Variants in GPD2 observed in about 807,000 individuals in gnomAD.
GPD2 encodes glycerol-3-phosphate dehydrogenase 2.
In GPD2, 54 loss-of-function variants were observed where a neutral mutation model predicts 82.4. The observed-to-expected ratio is 0.66, with a 90% CI of 0.53 to 0.82. The LOEUF is 0.82. Ranked by LOEUF, GPD2 falls within the 40% of genes least tolerant of loss-of-function variation. The pLI, the probability that GPD2 is intolerant of heterozygous loss-of-function variation, is 0.00. For missense variants in GPD2, 748 were observed against 896.2 expected, an observed-to-expected ratio of 0.83 and a Z score of 2.11; for synonymous variants, 288 against 306.1, an observed-to-expected ratio of 0.94 and a Z score of 0.62.
chr2:156,548,055 G>C (rs1223884053), intron 6 of GPD2, among the ~76,000 whole-genome samples: 1 of 152,184 alleles, frequency 6.6e-6, no homozygotes, highest in Non-Finnish European at 1.5e-5. Context: ...TTCCTTGTTA[G>C]ATATATAAAT....
At chr2:156,536,761 G>A (rs2105315391) in intron 6 of GPD2, among the ~76,000 whole-genome samples, 1 of 152,328 alleles carries the variant, frequency 6.6e-6, no homozygotes, top group East Asian at 1.9e-4. Flanking sequence ...ACCTGTCTCT[G>A]CTGACTAGGC....
intron 1 of GPD2, among the ~76,000 whole-genome samples, chr2:156,451,876 A>G (rs1682610318): frequency 1.4e-5 from 2 of 142,586 alleles, no homozygotes; most frequent in Admixed American, 1.4e-4. Flanking sequence ...CACTTCTCAG[A>G]CGGGGCGGCC....
chr2:156,570,935 A>G (rs1045867343), intron 12 of GPD2, among the ~76,000 whole-genome samples, 199 bp from the exon 13 acceptor site: 1 of 152,176 alleles, frequency 6.6e-6, no homozygotes, highest in South Asian at 2.1e-4. Context: ...AATTTTTGCC[A>G]TTTTCCAAAC....
In GPD2 at chr2:156,510,848, C is replaced by G. The variant is rs1558935303; in HGVS notation, c.327C>G (p.Ser109Arg). 1.2e-6 allele frequency: 2 copies of G among 1,612,424 alleles called. No individual in the cohort carries two copies. The highest frequency in any genetic ancestry group is 1.7e-6 in the Non-Finnish European group (2 of 1,178,466). ...ATGATTTCTCATCAGGGACCAGCAG[C>G]AGAAGCACTAAATTGATCCATGGTG... ...ERDDFSSGTS[S>R]RSTKLIHGGV... The change falls in exon 4 of 17, where the codon AGC (serine) becomes AGG (arginine). Residue 109 changes from serine (S) to arginine (R), a missense_variant. Coordinates refer to ENST00000438166, the MANE Select transcript of GPD2 (RefSeq NM_000408.5).
chr2:156,426,735 T>C, the GPD2 span, among the ~76,000 whole-genome samples: 393 of 152,208 alleles, frequency 2.6e-3, 4 homozygotes, highest in African/African-American at 9.0e-3. Flanking sequence ...TGTCCTTATA[T>C]AGAGAGAACA....
chr2:156,529,720 C>G (rs1182731214), intron 6 of GPD2, among the ~76,000 whole-genome samples: 21 of 150,002 alleles, frequency 1.4e-4, no homozygotes, highest in Non-Finnish European at 2.7e-4. Context: ...GCTTGTTTTT[C>G]TCAGGTTTGT....
chr2:156,565,617 G>T (rs1687359409), intron 9 of GPD2, among the ~76,000 whole-genome samples: 1 of 152,008 alleles, frequency 6.6e-6, no homozygotes, highest in African/African-American at 2.4e-5. Flanking sequence ...TTGGATTATG[G>T]GTTTGATTAA....
intron 13 of GPD2, among the ~76,000 whole-genome samples, chr2:156,572,036 T>TA (rs1313128551): frequency 6.6e-6 from 1 of 152,176 alleles, no homozygotes; most frequent in African/African-American, 2.4e-5. Flanking sequence ...ATAAATTTGT[T>TA]AACTTGCAGT....
chr2:156,449,423 A>T (rs1228094183), intron 1 of GPD2, among the ~76,000 whole-genome samples: 1 of 152,204 alleles, frequency 6.6e-6, no homozygotes, highest in Non-Finnish European at 1.5e-5. Flanking sequence ...TTAAATTAAA[A>T]TTAATTAATT....
chr2:156,512,191 A>C (rs1685022163), intron 4 of GPD2, 29 bp from the exon 5 acceptor site: 1 of 1,098,966 alleles, frequency 9.1e-7, no homozygotes, highest in Non-Finnish European at 1.4e-6. Context: ...TGTTACTGCC[A>C]AACTAATTTT....
chr2:156,491,986 C>G (rs1684192552), intron 2 of GPD2, among the ~76,000 whole-genome samples: 1 of 149,248 alleles, frequency 6.7e-6, no homozygotes, highest in Non-Finnish European at 1.5e-5. Context: ...TGCCACTGCA[C>G]TCCAGCCTGA....
intron 3 of GPD2, among the ~76,000 whole-genome samples, chr2:156,501,334 A>G (rs1684579354): frequency 6.6e-6 from 1 of 152,096 alleles, no homozygotes; most frequent in Non-Finnish European, 1.5e-5. Flanking sequence ...TCCCACTATA[A>G]TTCCTAAGGC....
At chr2:156,418,669 A>G in the GPD2 span, among the ~76,000 whole-genome samples, 2 of 152,140 alleles carry the variant, frequency 1.3e-5, no homozygotes, top group East Asian at 3.8e-4. Context: ...GATTTATTTA[A>G]CATGTATACA....
At chr2:156,525,332 G>A (rs1159526715) in intron 6 of GPD2, among the ~76,000 whole-genome samples, 2 of 152,166 alleles carry the variant, frequency 1.3e-5, no homozygotes, top group Admixed American at 6.5e-5. Flanking sequence ...TTTCTGTGCT[G>A]TTTGCTATGA....
intron 2 of GPD2, among the ~76,000 whole-genome samples, chr2:156,476,766 T>G (rs1683528091): frequency 6.6e-6 from 1 of 152,206 alleles, no homozygotes; most frequent in African/African-American, 2.4e-5. Context: ...TTTTTTTCTC[T>G]TTACCTTACA....
At chr2:156,526,502 T>C (rs1468810289) in intron 6 of GPD2, among the ~76,000 whole-genome samples, 2 of 152,218 alleles carry the variant, frequency 1.3e-5, no homozygotes, top group Non-Finnish European at 2.9e-5. Context: ...GTCTGTCTTA[T>C]ACTAATATGT....
chr2:156,550,218 T>A (rs1306538403), intron 7 of GPD2, among the ~76,000 whole-genome samples: 1 of 152,258 alleles, frequency 6.6e-6, no homozygotes, highest in Non-Finnish European at 1.5e-5. Context: ...CCAAATTATA[T>A]CGTTTCTTGA....
intron 1 of GPD2, among the ~76,000 whole-genome samples, chr2:156,445,987 C>G (rs1428223612): frequency 6.6e-6 from 1 of 152,198 alleles, no homozygotes; most frequent in African/African-American, 2.4e-5. Context: ...GATTCAGGCA[C>G]TCTGGATTCT....
the GPD2 span, among the ~76,000 whole-genome samples, chr2:156,403,532 G>A: frequency 6.6e-6 from 1 of 152,016 alleles, no homozygotes; most frequent in Admixed American, 6.6e-5. Context: ...CAGACTTTTG[G>A]TTAGGTAAAT....
Sources: allele counts gnomAD v4.1 joint callset (sites outside exome capture counted in the v4.1 genomes callset), GRCh38; gene constraint gnomAD v4.1.1; transcripts MANE v1.5; gene names NCBI Gene and HGNC (gene_info 2026-07-23, HGNC 2026-07-21).